The following NCOR1 variants were observed in gnomAD, a reference collection of about 807,000 sequenced individuals.
NCOR1 encodes the protein nuclear receptor corepressor 1.
In NCOR1, 63 loss-of-function variants were observed where a neutral mutation model predicts 288.1. The ratio of observed to expected loss-of-function variants is 0.22; its 90% CI spans 0.18 to 0.27. NCOR1 has a LOEUF of 0.27. NCOR1 is among the 10% of genes least tolerant of loss of function. The pLI is 1.00. For synonymous variants in NCOR1, 1,007 were observed against 1,065.9 expected, an observed-to-expected ratio of 0.94 and a Z score of 1.08; for missense variants, 2,397 against 3,019.2, an observed-to-expected ratio of 0.79 and a Z score of 4.83.
intron 1 of NCOR1, among the ~76,000 whole-genome samples, chr17:16,209,012 C>A (rs2091863519): frequency 6.6e-6 from 1 of 152,054 alleles, no homozygotes; most frequent in Non-Finnish European, 1.5e-5. Flanking sequence ...CTGCTAAGCT[C>A]ATTTTTATGA....
chr17:16,205,711 G>T (rs1203035772), intron 1 of NCOR1, among the ~76,000 whole-genome samples: 1 of 151,934 alleles, frequency 6.6e-6, no homozygotes, highest in Non-Finnish European at 1.5e-5. Context: ...GCCAAGGTGG[G>T]TGGATCACCT....
intron 18 of NCOR1, among the ~76,000 whole-genome samples, chr17:16,109,816 C>A (rs180890564): frequency 3.0e-4 from 46 of 152,218 alleles, no homozygotes; most frequent in African/African-American, 1.1e-3. Context: ...CTCACTGGAA[C>A]CTCCACCTCC....
chr17:16,211,415 G>A (rs1006756466), intron 1 of NCOR1, among the ~76,000 whole-genome samples: 1 of 151,672 alleles, frequency 6.6e-6, no homozygotes, highest in African/African-American at 2.4e-5. Flanking sequence ...CAATTTTTTT[G>A]TAGAGATGGG....
chr17:16,164,948 T>G (rs768489081), intron 5 of NCOR1, 31 bp downstream of exon 5: 1 of 1,451,206 alleles, frequency 6.9e-7, no homozygotes, highest in East Asian at 2.4e-5. Flanking sequence ...CAAACATACA[T>G]TCTTAGAATA....
intron 40 of NCOR1, chr17:16,049,541 AATAAT>A (rs906621605): frequency 2.6e-5 from 4 of 152,138 alleles, no homozygotes; most frequent in African/African-American, 9.7e-5. Context: ...ATTTGGTAAG[AATAAT>A]ATAAGATAGA....
chr17:16,126,195 T>A lies in NCOR1; in HGVS notation c.1521A>T (p.Arg507=), dbSNP rs762781585. The change falls in exon 15 of 46, where the codon CGA becomes CGT. Residue 507 remains arginine (R), a synonymous_variant. Coordinates refer to ENST00000268712, the MANE Select transcript of NCOR1 (RefSeq NM_006311.4). The part of the protein sequence containing the change: ...KRRGRNQQIA[R]PSQEEKVEEK... ...CTTCTACTTTTTCTTCTTGCGAGGG[T>A]CGAGCAATTTGCTGCTAGAATGAAC... The A allele has an allele frequency of 6.6e-7, 1 of 1,522,834 alleles. No homozygotes were observed. Among genetic ancestry groups the A allele is most frequent in the East Asian group, 2.4e-5 (1 of 41,968 alleles). 94.3% of individuals were successfully genotyped at this position (1,522,834 alleles called of 1,614,324 possible). A position where few individuals can be genotyped will look rare whatever the true frequency, so the allele number is the denominator to read the frequency against.
rs115515378 is a variant in NCOR1, at chr17:16,046,796, C to T, written c.6679+155G>A. 1,069 of 815,100 alleles carry T rather than the reference C, an allele frequency of 1.3e-3. 11 individuals are homozygous for T. In the African/African-American group the frequency reaches 0.017, roughly 13 times the overall value. The allele number at this position is 815,100 out of a possible 1,614,324, so 50.5% of individuals were successfully genotyped here. On this transcript the variant is annotated intron_variant, in intron 42 of 45. Transcript: ENST00000268712. ...CCTCCTAATTAGAACTCTTCATGGG[C>T]TGGCAGACACTTGAGAAGGAACTCT...
At chr17:16,150,734 A>G (rs1229244662) in intron 8 of NCOR1, among the ~76,000 whole-genome samples, 2 of 152,126 alleles carry the variant, frequency 1.3e-5, no homozygotes, top group African/African-American at 4.8e-5. Context: ...TAAGTAGCCA[A>G]CTAGATCTTA....
chr17:16,040,665 C>T, intron 42 of NCOR1, 171 bp from the exon 43 acceptor site: 1 of 653,660 alleles, frequency 1.5e-6, no homozygotes, highest in South Asian at 1.6e-5. Context: ...TTTTTTGAGA[C>T]AGGGTCTCAC....
rs999296243 is a variant in NCOR1, at chr17:16,071,345, G to C, written c.4152+64C>G. 7.2e-5 allele frequency: 112 copies of C among 1,555,432 alleles called. No individual in the cohort carries two copies. The East Asian group carries it at 2.5e-3, about 35-fold the overall frequency. On this transcript the variant is annotated intron_variant, in intron 30 of 45. Coordinates refer to ENST00000268712, the MANE Select transcript of NCOR1 (RefSeq NM_006311.4). ...CATAAGAACCACTTATAATTATTAAGTCACACTTTTTTAAATGTTCCATAA... is the reference window on the plus strand; with the variant it reads ...CATAAGAACCACTTATAATTATTAACTCACACTTTTTTAAATGTTCCATAA...
chr17:16,109,135 C>T (rs2069428532), intron 18 of NCOR1, among the ~76,000 whole-genome samples: 1 of 152,126 alleles, frequency 6.6e-6, no homozygotes, highest in Non-Finnish European at 1.5e-5. Context: ...GCAAAAGTTA[C>T]ATCTGATCCA....
chr17:16,178,930 C>T (rs2084812278), intron 3 of NCOR1, among the ~76,000 whole-genome samples: 1 of 150,778 alleles, frequency 6.6e-6, no homozygotes, highest in Admixed American at 6.6e-5. Flanking sequence ...CACGGTGAGA[C>T]CCTGCTTCTA....
chr17:16,179,309 TA>T (rs1457813698), intron 3 of NCOR1, among the ~76,000 whole-genome samples: 1 of 151,988 alleles, frequency 6.6e-6, no homozygotes, highest in Non-Finnish European at 1.5e-5. Flanking sequence ...GCCTCAGAAA[TA>T]AAAAGGATCA....
At position 16,126,142 on chromosome 17, in the gene NCOR1, G is replaced by A; in HGVS notation, c.1574C>T (p.Thr525Ile). The change falls in exon 15 of 46, where the codon ACA (threonine) becomes ATA (isoleucine). Residue 525 changes from threonine (T) to isoleucine (I), a missense_variant. Transcript: ENST00000268712. ...EEKEEDKAEK[T>I]EKKEEEKKDE... ...TTTCTTTTCTTCTTCTTTTTTTTCT[G>A]TTTTTTCTGCTTTATCCTCTTCTTT... 6.5e-7 allele frequency: 1 copy of A among 1,539,860 alleles called. No homozygotes were observed. Among genetic ancestry groups the A allele is most frequent in the South Asian group, 1.3e-5 (1 of 79,180 alleles).
intron 14 of NCOR1, among the ~76,000 whole-genome samples, chr17:16,132,743 T>TA (rs2075825573): frequency 6.6e-6 from 1 of 151,310 alleles, no homozygotes. Flanking sequence ...CAACAGGTTT[T>TA]AAAAAATCAA....
chr17:16,121,066 G>A lies in NCOR1; in HGVS notation c.1838C>T (p.Pro613Leu), dbSNP rs148932674. The A allele has an allele frequency of 2.8e-5, 45 of 1,613,280 alleles. No individual in the cohort carries two copies. The highest frequency in any genetic ancestry group is 8.9e-5 in the East Asian group (4 of 44,860). Residue 613 changes from proline (P) to leucine (L), a missense_variant, in exon 16 of 46, where the codon CCG becomes CTG. By Grantham distance (98) the Pro-to-Leu change is moderately conservative. Around this residue, in one of 11 missense-constraint regions of NCOR1, gnomAD observed 113 missense variants for 139.5 expected, o/e 0.81. Coordinates refer to ENST00000268712, the MANE Select transcript of NCOR1 (RefSeq NM_006311.4). ...TTTCCACTCACTGGGTTCTGGTGGC[G>A]GTGGCAGAGGTGGTGGGGGCTCTTC... ...ATEEPPPPLPPPPEPISTEPV... is the reference protein window; with the variant it reads ...ATEEPPPPLPLPPEPISTEPV...
At chr17:16,170,796 G>C (rs555096677) in intron 4 of NCOR1, among the ~76,000 whole-genome samples, 1 of 149,914 alleles carries the variant, frequency 6.7e-6, no homozygotes, top group Non-Finnish European at 1.5e-5. Context: ...AGCCAAGATC[G>C]CGCCACTGCA....
At chr17:16,063,346 A>G (rs1438181667) in intron 35 of NCOR1, among the ~76,000 whole-genome samples, 1 of 151,888 alleles carries the variant, frequency 6.6e-6, no homozygotes, top group East Asian at 1.9e-4. Context: ...CTGCTGGCTA[A>G]TTTTTTATAT....
At chr17:16,095,512 C>T (rs1384135371) in intron 21 of NCOR1, among the ~76,000 whole-genome samples, 1 of 140,684 alleles carries the variant, frequency 7.1e-6, no homozygotes, top group African/African-American at 2.6e-5. Context: ...CCCTGCCCGG[C>T]CAGCCGCCCC....
Sources: gnomAD v4.1 joint callset for allele counts (sites outside exome capture counted in the v4.1 genomes callset) on GRCh38, gnomAD v4.1.1 for gene constraint, gnomAD v4.1.1 regional missense constraint, MANE v1.5 for transcripts, NCBI Gene and HGNC (gene_info 2026-07-23, HGNC 2026-07-21) for gene names.